Variants in SYT9 observed in about 807,000 individuals in gnomAD.
The protein encoded by SYT9 is synaptotagmin 9, also known as synaptotagmin-9.
A neutral mutation model predicts 48.4 loss-of-function variants in SYT9; 22 were observed. That is an observed-to-expected ratio of 0.45 (90% CI 0.32 to 0.65). The LOEUF (loss-of-function observed/expected upper bound fraction) is 0.65. Ranked by LOEUF, SYT9 falls within the 30% of genes least tolerant of loss-of-function variation. The probability of loss-of-function intolerance (pLI) is 0.03; values close to 1 mark genes in which losing one functional copy is unlikely to be tolerated. For missense variants in SYT9, 577 were observed against 622.0 expected, an observed-to-expected ratio of 0.93 and a Z score of 0.77; for synonymous variants, 265 against 245.0, an observed-to-expected ratio of 1.08 and a Z score of -0.76.
At chr11:7,312,175 T>A (rs1467681582) in intron 2 of SYT9, among the ~76,000 whole-genome samples, 1 of 152,134 alleles carries the variant, frequency 6.6e-6, no homozygotes, top group African/African-American at 2.4e-5. Flanking sequence ...GAGGCTATTT[T>A]AGGATAAAGA....
chr11:7,390,001 A>G (rs967455378), intron 3 of SYT9, among the ~76,000 whole-genome samples: 2 of 152,244 alleles, frequency 1.3e-5, no homozygotes. Flanking sequence ...AATTTTTATT[A>G]TACTTTAAGT....
intron 3 of SYT9, among the ~76,000 whole-genome samples, chr11:7,397,837 G>T (rs1332554138): frequency 6.6e-6 from 1 of 151,994 alleles, no homozygotes; most frequent in Non-Finnish European, 1.5e-5. Context: ...CTTTTGTACT[G>T]GCTTTGTTGA....
chr11:7,307,873 C>T (rs1849060498), intron 2 of SYT9, among the ~76,000 whole-genome samples: 1 of 152,226 alleles, frequency 6.6e-6, no homozygotes, highest in South Asian at 2.1e-4. Flanking sequence ...ATCCGTTTAA[C>T]TTTGGAGGGA....
chr11:7,394,036 G>C (rs144098805), intron 3 of SYT9, among the ~76,000 whole-genome samples: 1 of 150,758 alleles, frequency 6.6e-6, no homozygotes, highest in Non-Finnish European at 1.5e-5. Context: ...ATGTATAGAT[G>C]TGCCATGTTT....
chr11:7,256,388 C>T (rs1210459128), intron 1 of SYT9, among the ~76,000 whole-genome samples: 1 of 152,134 alleles, frequency 6.6e-6, no homozygotes, highest in Admixed American at 6.6e-5. Context: ...ACAGGATCCT[C>T]AGGTGAGAGT....
At chr11:7,443,231 G>A (rs977767328) in intron 6 of SYT9, among the ~76,000 whole-genome samples, 1 of 152,214 alleles carries the variant, frequency 6.6e-6, no homozygotes, top group African/African-American at 2.4e-5. Flanking sequence ...CAAGTGCAAA[G>A]CACCCTACCT....
chr11:7,428,788 G>T (rs1847513891), intron 6 of SYT9, among the ~76,000 whole-genome samples: 1 of 152,172 alleles, frequency 6.6e-6, no homozygotes, highest in Non-Finnish European at 1.5e-5. Context: ...AAGTGGGGAG[G>T]TGGGGACCTT....
At chr11:7,297,013 A>G (rs1848822717) in intron 1 of SYT9, among the ~76,000 whole-genome samples, 1 of 152,044 alleles carries the variant, frequency 6.6e-6, no homozygotes, top group South Asian at 2.1e-4. Context: ...CCTGACACAC[A>G]CACAATCATC....
intron 3 of SYT9, among the ~76,000 whole-genome samples, chr11:7,332,082 A>G (rs999167274): frequency 2.6e-5 from 4 of 152,198 alleles, no homozygotes; most frequent in Non-Finnish European, 5.9e-5. Context: ...CAAGTGACTT[A>G]GTGAAGGACT....
At chr11:7,286,992 T>G (rs1848607935) in intron 1 of SYT9, among the ~76,000 whole-genome samples, 1 of 152,220 alleles carries the variant, frequency 6.6e-6, no homozygotes, top group Non-Finnish European at 1.5e-5. Context: ...CAAAGTCGCT[T>G]TTATATTTTC....
intron 3 of SYT9, among the ~76,000 whole-genome samples, chr11:7,415,354 C>T (rs1290146309): frequency 1.3e-5 from 2 of 152,088 alleles, no homozygotes; most frequent in African/African-American, 4.8e-5. Flanking sequence ...TTTCCAGGGT[C>T]CAGTGGAGCC....
intron 1 of SYT9, among the ~76,000 whole-genome samples, chr11:7,242,013 C>T (rs1414679300): frequency 6.6e-6 from 1 of 152,150 alleles, no homozygotes; most frequent in Admixed American, 6.5e-5. Context: ...AGTCCAGATG[C>T]TAATTACAAT....
At chr11:7,378,033 C>A (rs1299445207) in intron 3 of SYT9, among the ~76,000 whole-genome samples, 2 of 150,856 alleles carry the variant, frequency 1.3e-5, no homozygotes, top group Non-Finnish European at 2.9e-5. Flanking sequence ...GTAATAGGAA[C>A]ATAGGCAGAG....
At chr11:7,325,071 T>C (rs1279928647) in intron 3 of SYT9, among the ~76,000 whole-genome samples, 1 of 152,206 alleles carries the variant, frequency 6.6e-6, no homozygotes, top group Non-Finnish European at 1.5e-5. Context: ...TGTCTCTATA[T>C]AGAGAAATGC....
intron 6 of SYT9, among the ~76,000 whole-genome samples, chr11:7,449,412 G>A (rs1308912146): frequency 6.6e-6 from 1 of 152,020 alleles, no homozygotes; most frequent in Non-Finnish European, 1.5e-5. Context: ...GGAATGTGAG[G>A]GACTAAGTGG....
intron 6 of SYT9, among the ~76,000 whole-genome samples, chr11:7,429,087 C>A (rs756412109): frequency 1.3e-5 from 2 of 152,164 alleles, no homozygotes; most frequent in African/African-American, 4.8e-5. Context: ...GTCCTGTGGG[C>A]ACCCATACAC....
chr11:7,293,011 C>T (rs1589919882), intron 1 of SYT9, among the ~76,000 whole-genome samples: 1 of 152,114 alleles, frequency 6.6e-6, no homozygotes, highest in Non-Finnish European at 1.5e-5. Context: ...GTATATGGCT[C>T]CAGGCTGTCA....
Position 7,404,106 on chromosome 11 carries a change from G to A in SYT9, c.1045-11936G>A, listed in dbSNP as rs985881899. On this transcript the variant is annotated intron_variant, in intron 3 of 6. Coordinates refer to ENST00000318881, the MANE Select transcript of SYT9 (RefSeq NM_175733.4). Reference sequence around the variant, plus strand: ...AGCCACTCCAGATATATTTTTATTAGTATTAGTATGGCATTTATTTTTATT... The same window carrying A: ...AGCCACTCCAGATATATTTTTATTAATATTAGTATGGCATTTATTTTTATT... Among the ~76,000 whole-genome samples the A allele has an allele frequency of 1.8e-4, 28 of 152,012 alleles. No individual in the cohort carries two copies. In the East Asian group the frequency reaches 5.4e-3, roughly 29 times the overall value.
chr11:7,323,893 T>C (rs1849381185), intron 3 of SYT9, among the ~76,000 whole-genome samples: 1 of 151,946 alleles, frequency 6.6e-6, no homozygotes, highest in Non-Finnish European at 1.5e-5. Flanking sequence ...TGTGATTTTT[T>C]TTTCTCTCTT....
Sources: gnomAD v4.1 joint callset for allele counts (sites outside exome capture counted in the v4.1 genomes callset) on GRCh38, gnomAD v4.1.1 for gene constraint, MANE v1.5 for transcripts, NCBI Gene and HGNC (gene_info 2026-07-23, HGNC 2026-07-21) for gene names.